The following TMC2 variants were observed in gnomAD, a reference collection of about 807,000 sequenced individuals.
TMC2 encodes transmembrane channel-like protein 2.
Under a neutral mutation model 105.9 loss-of-function variants are expected in TMC2, and 102 were observed. The ratio of observed to expected loss-of-function variants is 0.96; its 90% CI spans 0.82 to 1.14. TMC2 has a LOEUF of 1.14. TMC2 is among the 50% of genes most tolerant of loss of function. The pLI is 0.00. For missense variants in TMC2, 1,093 were observed against 1,134.3 expected (o/e 0.96, Z 0.52); for synonymous variants, 402 against 422.8 (o/e 0.95, Z 0.60).
chr20:2,608,724 C>G (rs1444262978), intron 11 of TMC2, among the ~76,000 whole-genome samples: 3 of 152,214 alleles, frequency 2.0e-5, no homozygotes, highest in Non-Finnish European at 4.4e-5. Flanking sequence ...CTCACACACT[C>G]TCATCTCTCT....
Position 2,589,316 on chromosome 20 carries a change from G to GTGTGTGTGTGTGTA in TMC2, c.835-2986_835-2985insTGTGTATGTGTGTG, listed in dbSNP as rs1202745650. On this transcript the variant is annotated intron_variant, in intron 7 of 19. Transcript: ENST00000358864. The stretch of plus-strand genomic sequence containing the variant: ...TGTGTGTGTGTGTGTGTGTGTGTGT[G>GTGTGTGTGTGTGTA]TGTGTGTGGAGATGGGGTTTTTCCA... Among the ~76,000 whole-genome samples the GTGTGTGTGTGTGTA allele has an allele frequency of 5.3e-5, 8 of 150,462 alleles. No homozygotes were observed. The East Asian group carries it at 1.6e-3, about 29-fold the overall frequency.
At chr20:2,613,376 T>G (rs764895713) in intron 14 of TMC2, 54 bp downstream of exon 14, 1 of 1,611,876 alleles carries the variant, frequency 6.2e-7, no homozygotes, top group Non-Finnish European at 8.5e-7. Context: ...CTATCTTCTT[T>G]GATACTTATA....
chr20:2,604,520 G>T (rs2086375126), intron 11 of TMC2, among the ~76,000 whole-genome samples: 1 of 152,080 alleles, frequency 6.6e-6, no homozygotes, highest in South Asian at 2.1e-4. Flanking sequence ...ATATTGGTCT[G>T]CTCCCAGTTT....
intron 11 of TMC2, among the ~76,000 whole-genome samples, chr20:2,606,560 CAA>C (rs2086393267): frequency 6.6e-6 from 1 of 152,062 alleles, no homozygotes; most frequent in Non-Finnish European, 1.5e-5. Context: ...ATACCAGACC[CAA>C]AAGTTTTTAA....
At chr20:2,587,793 A>C (rs2086241305) in intron 7 of TMC2, among the ~76,000 whole-genome samples, 1 of 152,212 alleles carries the variant, frequency 6.6e-6, no homozygotes, top group African/African-American at 2.4e-5. Flanking sequence ...TTTCCAGTAT[A>C]CAATACATTG....
intron 11 of TMC2, among the ~76,000 whole-genome samples, chr20:2,608,832 A>T (rs1318293807): frequency 1.3e-5 from 2 of 152,218 alleles, no homozygotes; most frequent in African/African-American, 4.8e-5. Context: ...TGTAATGATT[A>T]ACTTATTATG....
rs2422794 is a variant in TMC2, at chr20:2,580,070, T to A, written c.834+14T>A. ...ATAATCCCAGAGGTAAGAAAAGAACTTCCTAAATCTTTGGATAGAGTTAAG... is the reference window on the plus strand; with the variant it reads ...ATAATCCCAGAGGTAAGAAAAGAACATCCTAAATCTTTGGATAGAGTTAAG... On this transcript the variant is annotated intron_variant, in intron 7 of 19. Coordinates refer to ENST00000358864, the MANE Select transcript of TMC2 (RefSeq NM_080751.3). The A allele has an allele frequency of 3.9e-6, 6 of 1,543,420 alleles. No individual in the cohort carries two copies. The highest frequency in any genetic ancestry group is 1.4e-5 in the African/African-American group (1 of 73,418).
intron 5 of TMC2, among the ~76,000 whole-genome samples, chr20:2,576,910 TTTG>T (rs1487520164): frequency 0.018 from 1,636 of 91,788 alleles, 52 homozygotes; most frequent in African/African-American, 0.081. Context: ...GTTTTTTTTT[TTTG>T]TTTTTTTTTT....
At chr20:2,540,626 A>T (rs1299520076) in intron 2 of TMC2, among the ~76,000 whole-genome samples, 2 of 140,822 alleles carry the variant, frequency 1.4e-5, no homozygotes, top group African/African-American at 5.4e-5. Flanking sequence ...GTGCCATTGC[A>T]CTCCAGCCTG....
intron 16 of TMC2, among the ~76,000 whole-genome samples, chr20:2,621,854 A>AGT (rs1325859074): frequency 5.3e-5 from 8 of 152,164 alleles, no homozygotes; most frequent in African/African-American, 1.4e-4. Context: ...GGCCTCCAGA[A>AGT]CTGTAAGATA....
intron 2 of TMC2, among the ~76,000 whole-genome samples, chr20:2,552,941 G>A (rs2085965526): frequency 1.3e-5 from 2 of 152,144 alleles, no homozygotes; most frequent in Admixed American, 6.6e-5. Context: ...CTGCATCATT[G>A]TTACAAAATG....
intron 12 of TMC2, among the ~76,000 whole-genome samples, chr20:2,611,882 GTGGGTGGATGGATGGA>G (rs1248133088): frequency 1.3e-4 from 10 of 75,070 alleles, no homozygotes; most frequent in Non-Finnish European, 1.7e-4. Flanking sequence ...GGGTGGGTGG[GTGGGTGGATGGATGGA>G]TGGATGGATG....
At chr20:2,611,954 A>C (rs531972507) in intron 12 of TMC2, among the ~76,000 whole-genome samples, 1 of 152,064 alleles carries the variant, frequency 6.6e-6, no homozygotes, top group Non-Finnish European at 1.5e-5. Context: ...GGATGGACAG[A>C]CGGACAGATG....
intron 13 of TMC2, among the ~76,000 whole-genome samples, 188 bp downstream of exon 13, chr20:2,612,528 T>A (rs778483035): frequency 1.3e-5 from 2 of 152,196 alleles, no homozygotes; most frequent in Non-Finnish European, 2.9e-5. Flanking sequence ...ACTCCAAATC[T>A]CTTTGGTGTC....
At chr20:2,537,179 T>C (rs6114817) in intron 1 of TMC2, 90 bp from the exon 2 acceptor site, 658,217 of 1,209,686 alleles carry the variant, frequency 0.54, 180,443 homozygotes, top group Admixed American at 0.59. Context: ...CAGCCACAAA[T>C]CAGCTGAGGG....
At chr20:2,570,104 T>C (rs1038768775) in intron 4 of TMC2, among the ~76,000 whole-genome samples, 4 of 152,048 alleles carry the variant, frequency 2.6e-5, no homozygotes, top group Non-Finnish European at 5.9e-5. Flanking sequence ...ACTTCTCCTA[T>C]TCAACATAGT....
chr20:2,570,246 T>C (rs1023094153), intron 4 of TMC2, among the ~76,000 whole-genome samples: 18 of 152,216 alleles, frequency 1.2e-4, no homozygotes, highest in African/African-American at 4.3e-4. Flanking sequence ...TAGAAAACCC[T>C]AAAGACTCTG....
intron 17 of TMC2, among the ~76,000 whole-genome samples, chr20:2,629,078 G>T (rs974850110): frequency 1.3e-5 from 2 of 151,998 alleles, no homozygotes; most frequent in African/African-American, 4.8e-5. Context: ...CTCCAGCCTG[G>T]GCGACAGAGT....
intron 19 of TMC2, among the ~76,000 whole-genome samples, chr20:2,640,792 C>G (rs1343747377): frequency 6.6e-6 from 1 of 152,122 alleles, no homozygotes; most frequent in Admixed American, 6.5e-5. Flanking sequence ...TTCCCACAGC[C>G]CCTCCCCTTC....
Sources: gnomAD v4.1 joint callset for allele counts (sites outside exome capture counted in the v4.1 genomes callset) on GRCh38, gnomAD v4.1.1 for gene constraint, MANE v1.5 for transcripts, NCBI Gene and HGNC (gene_info 2026-07-23, HGNC 2026-07-21) for gene names.